The following CBFA2T3 variants were observed in gnomAD, a reference collection of about 807,000 sequenced individuals.
CBFA2T3 encodes transcriptional corepressor CBFA2T3.
Under a neutral mutation model 58.6 loss-of-function variants are expected in CBFA2T3, and 31 were observed. That is an observed-to-expected ratio of 0.53 (90% CI 0.40 to 0.71). The LOEUF (loss-of-function observed/expected upper bound fraction) is 0.71. Among genes scored for constraint, CBFA2T3 ranks in the 30% least tolerant of loss-of-function variants. The probability of loss-of-function intolerance (pLI) is 0.00; values close to 1 mark genes in which losing one functional copy is unlikely to be tolerated. For missense variants in CBFA2T3, 1,076 were observed against 963.1 expected, an observed-to-expected ratio of 1.12 and a Z score of -1.55; for synonymous variants, 531 against 421.9, an observed-to-expected ratio of 1.26 and a Z score of -3.17.
At chr16:88,881,074 G>T (rs1257292163) in intron 9 of CBFA2T3, 1 of 710,340 alleles carries the variant, frequency 1.4e-6, no homozygotes, top group Non-Finnish European at 2.5e-6. Context: ...GACCCTCAGG[G>T]CCTCCCAGCT....
chr16:88,913,600 A>G (rs1329100063), intron 1 of CBFA2T3, among the ~76,000 whole-genome samples: 4 of 152,138 alleles, frequency 2.6e-5, no homozygotes, highest in African/African-American at 9.7e-5. Context: ...TCAGATGCCA[A>G]TGCTGCACTT....
chr16:88,913,917 C>T (rs970579587), intron 1 of CBFA2T3, among the ~76,000 whole-genome samples: 34 of 152,116 alleles, frequency 2.2e-4, no homozygotes, highest in Non-Finnish European at 2.9e-4. Flanking sequence ...CTGGAATAGC[C>T]GGCTCACTCC....
intron 1 of CBFA2T3, among the ~76,000 whole-genome samples, chr16:88,935,775 TC>T (rs1488257525): frequency 1.3e-5 from 2 of 151,912 alleles, no homozygotes; most frequent in East Asian, 1.9e-4. Flanking sequence ...CCACCGGGTG[TC>T]CCCCCAGAAA....
At chr16:88,935,292 G>A (rs1767290799) in intron 1 of CBFA2T3, among the ~76,000 whole-genome samples, 2 of 152,212 alleles carry the variant, frequency 1.3e-5, no homozygotes, top group African/African-American at 2.4e-5. Context: ...GGACTAGGCT[G>A]TGGAGCCCTG....
Position 88,953,857 on chromosome 16 carries a change from C to T in CBFA2T3, c.151+22800G>A, listed in dbSNP as rs1010313922. On this transcript the variant is annotated intron_variant, in intron 1 of 11. Coordinates refer to ENST00000268679, the MANE Select transcript of CBFA2T3 (RefSeq NM_005187.6). This position sits in a 1 kb window ranked among gnomAD's most constrained non-coding sequence, Gnocchi z 4.9. ...GGCTCCCCTTAAGATGACTTTGGGG[C>T]TGCCATGGGCCTTGTCACCTGCATT... Among the ~76,000 whole-genome samples the T allele has an allele frequency of 6.6e-6, 1 of 152,124 alleles. No homozygotes were observed. Among genetic ancestry groups the T allele is most frequent in the Non-Finnish European group, 1.5e-5 (1 of 68,002 alleles).
intron 1 of CBFA2T3, chr16:88,951,306 C>T: frequency 2.2e-6 from 1 of 448,952 alleles, no homozygotes; most frequent in Non-Finnish European, 4.5e-6. Flanking sequence ...CACAGAGGGT[C>T]GAGTGTTGGC....
At chr16:88,888,757 C>A (rs1159093070) in intron 5 of CBFA2T3, among the ~76,000 whole-genome samples, 1 of 151,734 alleles carries the variant, frequency 6.6e-6, no homozygotes, top group East Asian at 2.0e-4. Context: ...CTAGAAGCGC[C>A]ATGTCAGAGA....
intron 1 of CBFA2T3, among the ~76,000 whole-genome samples, chr16:88,905,150 G>T (rs71395338): frequency 6.6e-6 from 1 of 152,102 alleles, no homozygotes; most frequent in South Asian, 2.1e-4. Context: ...GGAGTGGGCA[G>T]CGGGGAGTCT....
intron 5 of CBFA2T3, among the ~76,000 whole-genome samples, chr16:88,887,714 C>T (rs1969438229): frequency 6.6e-6 from 1 of 152,124 alleles, no homozygotes; most frequent in Admixed American, 6.5e-5. Context: ...ACTCTGTCCC[C>T]AGGAGCCCAG....
chr16:88,975,349 C>T (rs1972828539), intron 1 of CBFA2T3, among the ~76,000 whole-genome samples: 1 of 151,678 alleles, frequency 6.6e-6, no homozygotes, highest in Admixed American at 6.6e-5. Context: ...ACACCCCCGT[C>T]CTTCCACAGT....
chr16:88,937,508 C>A, intron 1 of CBFA2T3: 1 of 152,714 alleles, frequency 6.5e-6, no homozygotes, highest in Non-Finnish European at 1.5e-5. Flanking sequence ...GCTGGCCCTC[C>A]CGTGTCAGAA....
chr16:88,881,619 G>A, intron 8 of CBFA2T3, 130 bp from the exon 9 acceptor site: 1 of 883,916 alleles, frequency 1.1e-6, no homozygotes, highest in Admixed American at 2.8e-5. Flanking sequence ...GAGAGTAAGG[G>A]GGTGAGGGAG....
chr16:88,916,902 G>A (rs1460293202), intron 1 of CBFA2T3, among the ~76,000 whole-genome samples: 1 of 151,612 alleles, frequency 6.6e-6, no homozygotes, highest in African/African-American at 2.4e-5. Flanking sequence ...GCAGGGTCTC[G>A]AACGTTGTAT....
At chr16:88,910,221 C>T (rs1970486087) in intron 1 of CBFA2T3, among the ~76,000 whole-genome samples, 1 of 152,238 alleles carries the variant, frequency 6.6e-6, no homozygotes, top group Non-Finnish European at 1.5e-5. Flanking sequence ...CGCAAGTCTG[C>T]CTCTCATCCT....
intron 1 of CBFA2T3, among the ~76,000 whole-genome samples, chr16:88,961,304 A>G (rs1294544580): frequency 6.6e-6 from 1 of 152,154 alleles, no homozygotes; most frequent in Non-Finnish European, 1.5e-5. Flanking sequence ...TTTCCACTGC[A>G]TAGTAACCGA....
chr16:88,924,875 C>T (rs1245097887), intron 1 of CBFA2T3, among the ~76,000 whole-genome samples: 1 of 152,240 alleles, frequency 6.6e-6, no homozygotes, highest in Non-Finnish European at 1.5e-5. Context: ...GCTGCCACCG[C>T]CTCCCACCTC....
At chr16:88,880,661 G>C in intron 10 of CBFA2T3, 59 bp downstream of exon 10, 1 of 1,382,350 alleles carries the variant, frequency 7.2e-7, no homozygotes, top group South Asian at 1.2e-5. Flanking sequence ...GGTGAGAGGC[G>C]CATCTGGGGC....
chr16:88,961,317 C>G (rs1972348642), intron 1 of CBFA2T3, among the ~76,000 whole-genome samples: 1 of 152,172 alleles, frequency 6.6e-6, no homozygotes, highest in Non-Finnish European at 1.5e-5. Context: ...GTAACCGACA[C>G]TCACCCCTGG....
intron 11 of CBFA2T3, among the ~76,000 whole-genome samples, chr16:88,878,449 G>T (rs957289905): frequency 6.6e-6 from 1 of 152,260 alleles, no homozygotes; most frequent in African/African-American, 2.4e-5. Flanking sequence ...CCCCTGGAAA[G>T]GGTCTCTCCC....
Sources: gnomAD v4.1 joint callset for allele counts (sites outside exome capture counted in the v4.1 genomes callset) on GRCh38, gnomAD v4.1.1 for gene constraint, Gnocchi (gnomAD v3.1) non-coding constraint, MANE v1.5 for transcripts, NCBI Gene and HGNC (gene_info 2026-07-23, HGNC 2026-07-21) for gene names.